Variants in ELAVL4 observed in about 807,000 individuals in gnomAD.
ELAVL4 encodes the protein ELAV-like protein 4.
A neutral mutation model predicts 35.6 loss-of-function variants in ELAVL4; 1 was observed. The observed-to-expected ratio is 0.03, with a 90% confidence interval of 0.01 to 0.13. The LOEUF is 0.13. Among genes scored for constraint, ELAVL4 ranks in the 10% least tolerant of loss-of-function variants. ELAVL4 has a pLI of 1.00. For missense variants in ELAVL4, 267 were observed against 464.9 expected, an observed-to-expected ratio of 0.57 and a Z score of 3.91; for synonymous variants, 156 against 171.0, an observed-to-expected ratio of 0.91 and a Z score of 0.69.
intron 1 of ELAVL4, among the ~76,000 whole-genome samples, chr1:50,077,511 T>C (rs1039484206): frequency 1.6e-4 from 25 of 152,274 alleles, no homozygotes; most frequent in African/African-American, 5.8e-4. Flanking sequence ...ATGACTTTTT[T>C]CCGTCTAGGG....
chr1:50,107,863 A>T (rs368958308), upstream of ELAVL4, among the ~76,000 whole-genome samples: 4 of 152,316 alleles, frequency 2.6e-5, no homozygotes, highest in South Asian at 8.3e-4. Flanking sequence ...GAGGTTGTTA[A>T]ATGTGTAAAT....
At chr1:50,138,825 C>G (rs1557764919) in intron 1 of ELAVL4, among the ~76,000 whole-genome samples, 1 of 152,022 alleles carries the variant, frequency 6.6e-6, no homozygotes, top group East Asian at 1.9e-4. Flanking sequence ...TGGTAGTTGC[C>G]AGGAGCTGGG....
At chr1:50,055,257 C>A (rs1341138184) in intron 1 of ELAVL4, among the ~76,000 whole-genome samples, 1 of 151,904 alleles carries the variant, frequency 6.6e-6, no homozygotes, top group Non-Finnish European at 1.5e-5. Context: ...GACTTCAAAG[C>A]ATGATCAATT....
At chr1:50,122,009 A>G (rs1669121787) in intron 1 of ELAVL4, among the ~76,000 whole-genome samples, 1 of 152,038 alleles carries the variant, frequency 6.6e-6, no homozygotes, top group African/African-American at 2.4e-5. Context: ...TGCCTTACAA[A>G]CACCATCCCT....
chr1:50,119,076 GAAAGAAAGAAAGAAAGAA>G (rs761710667), intron 1 of ELAVL4, among the ~76,000 whole-genome samples: 315 of 136,796 alleles, frequency 2.3e-3, no homozygotes, highest in East Asian at 4.3e-3. Context: ...AAGAAAGAAA[GAAAGAAAGAAAGAAAGAA>G]AAAGAAAAAG....
intron 2 of ELAVL4, among the ~76,000 whole-genome samples, chr1:50,149,271 G>A (rs1241273966): frequency 2.6e-5 from 4 of 151,592 alleles, no homozygotes; most frequent in East Asian, 2.0e-4. Context: ...GGTGGTGGGC[G>A]CCTGTAATCC....
At chr1:50,165,596 A>G (rs1677668089) in intron 2 of ELAVL4, among the ~76,000 whole-genome samples, 1 of 147,992 alleles carries the variant, frequency 6.8e-6, no homozygotes, top group African/African-American at 2.5e-5. Flanking sequence ...ATACATATAT[A>G]CGTGTATGTA....
chr1:50,144,599 T>G, intron 1 of ELAVL4: 2 of 475,044 alleles, frequency 4.2e-6, no homozygotes, highest in Non-Finnish European at 8.1e-6. Flanking sequence ...AACTATAATT[T>G]TAATCATGAT....
At chr1:50,195,859 G>A (rs747029914) in intron 5 of ELAVL4, 73 bp downstream of exon 5, 596 of 1,557,190 alleles carry the variant, frequency 3.8e-4, no homozygotes, top group Non-Finnish European at 4.8e-4. Flanking sequence ...GAAGCCCATG[G>A]TCCTGACAAA....
At chr1:50,177,333 A>G (rs1680218054) in intron 3 of ELAVL4, 141 bp downstream of exon 3, 1 of 665,106 alleles carries the variant, frequency 1.5e-6, no homozygotes, top group Non-Finnish European at 2.6e-6. Flanking sequence ...ACTATACTAA[A>G]TGGGAGACAC....
chr1:50,186,276 T>C (rs943684139), intron 3 of ELAVL4, among the ~76,000 whole-genome samples: 22 of 152,200 alleles, frequency 1.4e-4, no homozygotes, highest in Non-Finnish European at 1.2e-4. Flanking sequence ...ATATGATACA[T>C]TTCATTTCAC....
rs150762056 is a variant in ELAVL4, at chr1:50,201,134, G to A, written c.1057G>A (p.Val353Met). 4 of 1,607,536 alleles carry A rather than the reference G, an allele frequency of 2.5e-6. No homozygotes were observed. Among genetic ancestry groups the A allele is most frequent in the Non-Finnish European group, 3.4e-6 (4 of 1,176,724 alleles). The change falls in exon 7 of 7, where the codon GTG (valine) becomes ATG (methionine). Residue 353 changes from valine (V) to methionine (M), a missense_variant. Coordinates refer to ENST00000371824, the MANE Select transcript of ELAVL4 (RefSeq NM_001144774.3). This position sits in a 1 kb window ranked among gnomAD's most constrained non-coding sequence, Gnocchi z 4.3. ...CAACGGGTACCGCCTGGGAGACAGA[G>A]TGTTGCAAGTTTCCTTTAAAACCAA... The part of the protein sequence containing the change: ...SLNGYRLGDR[V>M]LQVSFKTNKA...
chr1:50,167,286 G>T (rs1678108900), intron 2 of ELAVL4, among the ~76,000 whole-genome samples: 1 of 152,180 alleles, frequency 6.6e-6, no homozygotes, highest in African/African-American at 2.4e-5. Flanking sequence ...ATGAGCAAGA[G>T]CCCACTGCTG....
chr1:50,085,816 T>G (rs1463193595), intron 1 of ELAVL4, among the ~76,000 whole-genome samples: 1 of 152,236 alleles, frequency 6.6e-6, no homozygotes, highest in Admixed American at 6.5e-5. Flanking sequence ...ATAAAGCTCT[T>G]GAACCTGACT....
At chr1:50,114,195 T>G (rs1368465607) in intron 1 of ELAVL4, among the ~76,000 whole-genome samples, 1 of 152,076 alleles carries the variant, frequency 6.6e-6, no homozygotes, top group African/African-American at 2.4e-5. Context: ...TGGGTATGAA[T>G]TAAAATGTGT....
rs576676315 is a variant in ELAVL4 at position 50,062,993 on chromosome 1, G to A, written c.18+14811G>A. The stretch of plus-strand genomic sequence containing the variant: ...CTGTTCACACAGTGGTGAACAAAAA[G>A]CACAGTCTCTGTCCTCAAGAAGGTT... On this transcript the variant is annotated intron_variant, in intron 1 of 6. Transcript: ENST00000448907. Among the ~76,000 whole-genome samples the A allele has an allele frequency of 3.9e-5, 6 of 152,226 alleles. No homozygotes were observed. In the East Asian group the frequency reaches 9.7e-4, roughly 25 times the overall value.
At position 50,127,857 on chromosome 1, in the gene ELAVL4, A is replaced by G. The variant is rs145723572; in HGVS notation, c.10-17100A>G. ...TTATGCTATGCAATTAGTATTTAAT[A>G]AATGTTTGAATTGATGTTAATTGAA... On this transcript the variant is annotated intron_variant, in intron 1 of 6. Transcript: ENST00000371824. Among the ~76,000 whole-genome samples, 371 of 152,272 alleles carry G rather than the reference A, an allele frequency of 2.4e-3. 1 individual carries two copies. The highest frequency in any genetic ancestry group is 7.7e-3 in the African/African-American group (319 of 41,580).
chr1:50,112,387 G>A (rs1275119875), intron 1 of ELAVL4, among the ~76,000 whole-genome samples: 1 of 152,062 alleles, frequency 6.6e-6, no homozygotes, highest in Non-Finnish European at 1.5e-5. Flanking sequence ...TGGTTCTGAT[G>A]CTGACCTTTC....
At chr1:50,139,547 G>A (rs1389651117) in intron 1 of ELAVL4, among the ~76,000 whole-genome samples, 1 of 152,074 alleles carries the variant, frequency 6.6e-6, no homozygotes, top group East Asian at 1.9e-4. Flanking sequence ...CACAGATCTC[G>A]GCTCCATCTC....
Sources: gnomAD v4.1 joint callset for allele counts (sites outside exome capture counted in the v4.1 genomes callset) on GRCh38, gnomAD v4.1.1 for gene constraint, Gnocchi (gnomAD v3.1) non-coding constraint, MANE v1.5 for transcripts, NCBI Gene and HGNC (gene_info 2026-07-23, HGNC 2026-07-21) for gene names.